The following SPRYD7 variants were observed in gnomAD, a reference collection of about 807,000 sequenced individuals.
SPRYD7 encodes SPRY domain-containing protein 7.
SPRYD7 carries 14 observed loss-of-function variants against 23.8 expected under a neutral mutation model. That is an observed-to-expected ratio of 0.59 (90% CI 0.39 to 0.92). The LOEUF is 0.92. Among genes scored for constraint, SPRYD7 ranks in the 40% least tolerant of loss-of-function variants. The pLI, the probability that SPRYD7 is intolerant of heterozygous loss-of-function variation, is 0.00. For missense variants in SPRYD7, 194 were observed against 241.7 expected (o/e 0.80, Z 1.31); for synonymous variants, 75 against 84.9 (o/e 0.88, Z 0.64).
intron 4 of SPRYD7, among the ~76,000 whole-genome samples, chr13:49,915,836 C>T (rs556942486): frequency 6.6e-5 from 10 of 152,178 alleles, no homozygotes; most frequent in Non-Finnish European, 1.2e-4. Flanking sequence ...GTGATATATC[C>T]ACACAATGCT....
intron 4 of SPRYD7, among the ~76,000 whole-genome samples, chr13:49,915,675 G>T (rs536730370): frequency 3.9e-5 from 6 of 152,096 alleles, no homozygotes; most frequent in Non-Finnish European, 8.8e-5. Context: ...GCCTTACTCA[G>T]CTTCTAAATG....
chr13:49,916,338 ATATACTT>A (rs1359740182), intron 4 of SPRYD7, among the ~76,000 whole-genome samples: 1 of 152,184 alleles, frequency 6.6e-6, no homozygotes, highest in African/African-American at 2.4e-5. Context: ...GCACATTACT[ATATACTT>A]TATATTTCAG....
At chr13:49,924,819 CA>C (rs1955860507) in intron 3 of SPRYD7, among the ~76,000 whole-genome samples, 5 of 147,974 alleles carry the variant, frequency 3.4e-5, no homozygotes, top group Admixed American at 3.4e-4. Flanking sequence ...ACTAAAAACA[CA>C]AAAAAATTAG....
intron 3 of SPRYD7, among the ~76,000 whole-genome samples, chr13:49,924,696 G>A (rs894049041): frequency 1.4e-4 from 22 of 151,842 alleles, no homozygotes; most frequent in Admixed American, 2.0e-4. Context: ...ACTACCGTAC[G>A]GGCGTGGTGG....
intron 3 of SPRYD7, among the ~76,000 whole-genome samples, chr13:49,923,211 T>C (rs1162546729): frequency 6.6e-6 from 1 of 151,978 alleles, no homozygotes; most frequent in Non-Finnish European, 1.5e-5. Context: ...GGCACTTTCA[T>C]CCCCCAGTGG....
chr13:49,926,828 G>A (rs183875642), intron 3 of SPRYD7, among the ~76,000 whole-genome samples: 1 of 152,200 alleles, frequency 6.6e-6, no homozygotes, highest in African/African-American at 2.4e-5. Flanking sequence ...GTGTACAAGG[G>A]CACCTCGGCT....
intron 4 of SPRYD7, among the ~76,000 whole-genome samples, chr13:49,919,297 G>A (rs1174707112): frequency 6.6e-6 from 1 of 151,898 alleles, no homozygotes; most frequent in Non-Finnish European, 1.5e-5. Flanking sequence ...TATAATCCCA[G>A]CACTTTGGAA....
At chr13:49,931,370 G>C (rs533550958) in intron 1 of SPRYD7, among the ~76,000 whole-genome samples, 1 of 151,970 alleles carries the variant, frequency 6.6e-6, no homozygotes, top group African/African-American at 2.4e-5. Flanking sequence ...TAGTAGAGAT[G>C]GGGGTTTCAC....
At chr13:49,929,874 C>G (rs1437190846) in intron 2 of SPRYD7, among the ~76,000 whole-genome samples, 11 of 152,012 alleles carry the variant, frequency 7.2e-5, no homozygotes, top group Admixed American at 6.6e-4. Flanking sequence ...ACTGCAGCCT[C>G]TGTCTTCCGG....
intron 3 of SPRYD7, among the ~76,000 whole-genome samples, chr13:49,927,573 T>G (rs1446496653): frequency 6.6e-6 from 1 of 152,126 alleles, no homozygotes; most frequent in African/African-American, 2.4e-5. Flanking sequence ...TAACTAGTAT[T>G]TTCTAATATA....
chr13:49,932,277 T>C (rs1871418892), intron 1 of SPRYD7, among the ~76,000 whole-genome samples: 1 of 152,194 alleles, frequency 6.6e-6, no homozygotes, highest in African/African-American at 2.4e-5. Context: ...TACCTGACAG[T>C]GACAAACTGC....
chr13:49,925,216 C>T (rs1263692702), intron 3 of SPRYD7, among the ~76,000 whole-genome samples: 1 of 150,276 alleles, frequency 6.7e-6, no homozygotes, highest in African/African-American at 2.4e-5. Context: ...TATGGTGAAA[C>T]CCCGTCTCTA....
intron 1 of SPRYD7, among the ~76,000 whole-genome samples, chr13:49,934,979 G>T (rs904639363): frequency 6.6e-6 from 1 of 152,174 alleles, no homozygotes; most frequent in Non-Finnish European, 1.5e-5. Flanking sequence ...GAACTCCATC[G>T]TCTATAAATA....
intron 3 of SPRYD7, among the ~76,000 whole-genome samples, chr13:49,923,266 C>CA (rs1955840515): frequency 6.6e-6 from 1 of 151,556 alleles, no homozygotes; most frequent in South Asian, 2.1e-4. Flanking sequence ...TTTTTTGAGA[C>CA]AGAGTCTCGT....
At chr13:49,931,182 T>C (rs1409730442) in intron 1 of SPRYD7, 48 bp from the exon 2 acceptor site, 1 of 1,293,162 alleles carries the variant, frequency 7.7e-7, no homozygotes, top group Non-Finnish European at 1.1e-6. Flanking sequence ...TTTTCTTTTC[T>C]TTTCTTTTCT....
intron 1 of SPRYD7, among the ~76,000 whole-genome samples, chr13:49,932,042 A>T (rs1871406039): frequency 1.3e-5 from 2 of 152,260 alleles, no homozygotes; most frequent in Non-Finnish European, 2.9e-5. Flanking sequence ...ATTTTTAGCC[A>T]GGAAACCAAT....
chr13:49,921,798 TA>T (rs1955824557), intron 3 of SPRYD7, among the ~76,000 whole-genome samples: 1 of 152,198 alleles, frequency 6.6e-6, no homozygotes, highest in African/African-American at 2.4e-5. Context: ...ACATTAGAGG[TA>T]AAACAAAGCC....
rs749024679 is a variant in SPRYD7 at position 49,921,606 on chromosome 13, C to T, written c.391-26G>A. The T allele has an allele frequency of 1.5e-5, 22 of 1,420,376 alleles. 1 individual carries two copies. The South Asian group carries it at 2.5e-4, about 16-fold the overall frequency. The allele number at this position is 1,420,376 out of a possible 1,614,324, so 88.0% of individuals were successfully genotyped here. A position where few individuals can be genotyped will look rare whatever the true frequency, so the allele number is the denominator to read the frequency against. ...CTAGGAAGGAAAAAACAGAAACGTT[C>T]CATAAAAGCTGAGCCGTCAGAAAGC... On this transcript the variant is annotated intron_variant, in intron 3 of 4. Coordinates refer to ENST00000361840, the MANE Select transcript of SPRYD7 (RefSeq NM_020456.4).
intron 1 of SPRYD7, 67 bp downstream of exon 1, chr13:49,936,063 A>T: frequency 9.1e-7 from 1 of 1,096,580 alleles, no homozygotes; most frequent in East Asian, 3.3e-5. Context: ...TCTGACCCTG[A>T]AGGTCCCCCT....
Sources: allele counts gnomAD v4.1 joint callset (sites outside exome capture counted in the v4.1 genomes callset), GRCh38; gene constraint gnomAD v4.1.1; transcripts MANE v1.5; gene names NCBI Gene and HGNC (gene_info 2026-07-23, HGNC 2026-07-21).